Variants in GATA4 observed in about 807,000 individuals in gnomAD.
GATA4 encodes transcription factor GATA-4.
GATA4 carries 7 observed loss-of-function variants against 37.9 expected under a neutral mutation model. The ratio of observed to expected loss-of-function variants is 0.18; its 90% CI spans 0.11 to 0.35. GATA4 has a LOEUF of 0.35. Among genes scored for constraint, GATA4 ranks in the 10% least tolerant of loss-of-function variants. The probability of loss-of-function intolerance (pLI) is 1.00; values close to 1 mark genes in which losing one functional copy is unlikely to be tolerated. For synonymous variants in GATA4, 372 were observed against 292.6 expected (o/e 1.27, Z -2.77); for missense variants, 647 against 653.0 (o/e 0.99, Z 0.10).
rs559336196 is a variant in GATA4 at position 11,685,068 on chromosome 8, A to G, written c.-274+8005A>G. 8.7e-4 allele frequency among the ~76,000 whole-genome samples: 132 copies of G among 152,342 alleles called. 1 individual carries two copies. The highest frequency in any genetic ancestry group is 3.4e-3 in the Middle Eastern group (1 of 294). Reference sequence around the variant, plus strand: ...GATGCTTTACTTAGCAAAGTTTATAATTTGACAAGGACGCACCAAACATTA... The same window carrying G: ...GATGCTTTACTTAGCAAAGTTTATAGTTTGACAAGGACGCACCAAACATTA... On this transcript the variant is annotated intron_variant, in intron 1 of 6. Coordinates refer to the GATA4 transcript ENST00000528712.
At chr8:11,713,397 G>C (rs540683179) in intron 2 of GATA4, among the ~76,000 whole-genome samples, 1 of 152,138 alleles carries the variant, frequency 6.6e-6, no homozygotes, top group African/African-American at 2.4e-5. Flanking sequence ...AAATATTTGC[G>C]TAGGGATCTT....
At chr8:11,726,286 C>T (rs2130175984) in intron 2 of GATA4, among the ~76,000 whole-genome samples, 1 of 152,342 alleles carries the variant, frequency 6.6e-6, no homozygotes, top group Admixed American at 6.5e-5. Context: ...ATGTGGATCC[C>T]TGGCCAGTTT....
chr8:11,723,024 A>T (rs879342202), intron 2 of GATA4, among the ~76,000 whole-genome samples: 1 of 152,168 alleles, frequency 6.6e-6, no homozygotes, highest in Non-Finnish European at 1.5e-5. Flanking sequence ...TTACCAATGA[A>T]ATGAAATTGT....
At chr8:11,714,357 A>G (rs1168933318) in intron 2 of GATA4, among the ~76,000 whole-genome samples, 2 of 152,220 alleles carry the variant, frequency 1.3e-5, no homozygotes, top group African/African-American at 2.4e-5. Flanking sequence ...AGGTGTTCTC[A>G]GAGTTTTTTT....
chr8:11,722,001 AC>A (rs1800697645), intron 2 of GATA4, among the ~76,000 whole-genome samples: 1 of 151,924 alleles, frequency 6.6e-6, no homozygotes, highest in South Asian at 2.1e-4. Context: ...TTCAATTTCT[AC>A]CTTTTAAATA....
chr8:11,696,845 G>A (rs1167284845), intron 1 of GATA4, among the ~76,000 whole-genome samples: 3 of 152,250 alleles, frequency 2.0e-5, no homozygotes, highest in Admixed American at 1.3e-4. Context: ...TGGCAAGTAA[G>A]TCTTTCATTT....
intron 2 of GATA4, among the ~76,000 whole-genome samples, chr8:11,742,291 C>T (rs1035787924): frequency 5.9e-5 from 9 of 152,098 alleles, no homozygotes; most frequent in East Asian, 1.9e-4. Flanking sequence ...TGCATATGAG[C>T]GGGTGTATTT....
chr8:11,758,909 C>T lies in GATA4; in HGVS notation c.*434C>T. 3.3e-6 allele frequency: 1 copy of T among 303,982 alleles called. No homozygotes were observed. The highest frequency in any genetic ancestry group is 3.1e-5 in the South Asian group (1 of 31,938). The allele number at this position is 303,982 out of a possible 1,614,324, so 18.8% of individuals were successfully genotyped here. A position where few individuals can be genotyped will look rare whatever the true frequency, so the allele number is the denominator to read the frequency against. On this transcript the variant is annotated 3_prime_UTR_variant, in exon 7 of 7. Coordinates refer to ENST00000532059, the MANE Select transcript of GATA4 (RefSeq NM_001308093.3). ...TGCCATGTACCTGGATGCGACGGGC[C>T]CCTGGGGACAGGCCCTTGCCCCATC... is the stretch of plus-strand genomic sequence containing the variant.
upstream of GATA4, among the ~76,000 whole-genome samples, chr8:11,701,758 G>A (rs1231328381): frequency 6.6e-6 from 1 of 151,854 alleles, no homozygotes; most frequent in Non-Finnish European, 1.5e-5. Flanking sequence ...TGTCCCAGGC[G>A]ACTTCCAGAG....
Position 11,708,949 on chromosome 8 carries a change from T to A in GATA4, c.616+21T>A. Reference sequence around the variant, plus strand: ...TCTCGGTGAGTAGGAGCGCGAGGGCTGGGGCGCGTGAGGGCCGGGGCAGGG... The same window carrying A: ...TCTCGGTGAGTAGGAGCGCGAGGGCAGGGGCGCGTGAGGGCCGGGGCAGGG... On this transcript the variant is annotated intron_variant, in intron 2 of 6. Transcript: ENST00000532059. The surrounding 1 kb of genome is among the most constrained non-coding windows in gnomAD (Gnocchi z 6.7). 1 of 1,518,334 alleles carries A rather than the reference T, an allele frequency of 6.6e-7. No individual in the cohort carries two copies. Among genetic ancestry groups the A allele is most frequent in the Non-Finnish European group, 8.8e-7 (1 of 1,139,938 alleles). 94.1% of individuals were successfully genotyped at this position (1,518,334 alleles called of 1,614,324 possible).
chr8:11,690,326 T>C (rs372205766), upstream of GATA4, among the ~76,000 whole-genome samples: 1 of 152,230 alleles, frequency 6.6e-6, no homozygotes, highest in African/African-American at 2.4e-5. Context: ...ACTCCACTTT[T>C]TAAAATTCAA....
intron 1 of GATA4, among the ~76,000 whole-genome samples, chr8:11,696,029 C>G (rs1296457829): frequency 1.3e-5 from 2 of 152,208 alleles, no homozygotes; most frequent in Non-Finnish European, 2.9e-5. Context: ...TGGACTCGCA[C>G]TAAAGACAGG....
chr8:11,693,417 C>A (rs903083246), intron 1 of GATA4, among the ~76,000 whole-genome samples: 1 of 151,746 alleles, frequency 6.6e-6, no homozygotes, highest in Non-Finnish European at 1.5e-5. Flanking sequence ...GAGATCGCAC[C>A]ACTGCAGTCC....
At chr8:11,730,895 C>T (rs10109678) in intron 2 of GATA4, among the ~76,000 whole-genome samples, 4,382 of 152,290 alleles carry the variant, frequency 0.029, 206 homozygotes, top group African/African-American at 0.1. Flanking sequence ...CTGTTTGTCT[C>T]GTGTCATCTG....
intron 4 of GATA4, among the ~76,000 whole-genome samples, chr8:11,751,997 G>A (rs138487402): frequency 2.6e-5 from 4 of 152,156 alleles, no homozygotes; most frequent in African/African-American, 9.7e-5. Flanking sequence ...ATTTATTGCT[G>A]CATTGTTTGT....
chr8:11,684,431 C>T (rs1244539669), intron 1 of GATA4, among the ~76,000 whole-genome samples: 2 of 152,154 alleles, frequency 1.3e-5, no homozygotes, highest in African/African-American at 2.4e-5. Context: ...TAAAATTTCT[C>T]CTTATAGTCT....
intron 1 of GATA4, chr8:11,681,626 T>A (rs1798977223): frequency 3.6e-6 from 1 of 275,186 alleles, no homozygotes; most frequent in African/African-American, 2.3e-5. Context: ...TTTACTATTG[T>A]CTTGTGAACG....
At chr8:11,741,504 C>T (rs1801737972) in intron 2 of GATA4, among the ~76,000 whole-genome samples, 2 of 152,024 alleles carry the variant, frequency 1.3e-5, no homozygotes, top group Admixed American at 6.6e-5. Context: ...AAAAAAAGTC[C>T]CTGTGAGAGC....
intron 2 of GATA4, among the ~76,000 whole-genome samples, chr8:11,716,924 G>T (rs1273609274): frequency 6.6e-6 from 1 of 152,210 alleles, no homozygotes; most frequent in East Asian, 1.9e-4. Context: ...TCCTTTCCTT[G>T]TTCCAGAAGA....
Sources: gnomAD v4.1 joint callset for allele counts (sites outside exome capture counted in the v4.1 genomes callset) on GRCh38, gnomAD v4.1.1 for gene constraint, Gnocchi (gnomAD v3.1) non-coding constraint, MANE v1.5 for transcripts, NCBI Gene and HGNC (gene_info 2026-07-23, HGNC 2026-07-21) for gene names.